Variants in ASPH observed in about 807,000 individuals in gnomAD.
ASPH encodes aspartate beta-hydroxylase.
A neutral mutation model predicts 118.4 loss-of-function variants in ASPH; 100 were observed. The observed-to-expected ratio is 0.84, with a 90% confidence interval of 0.72 to 1.00. ASPH has a LOEUF of 1.00. ASPH is among the 50% of genes least tolerant of loss of function. ASPH has a pLI of 0.00. For missense variants in ASPH, 920 were observed against 919.5 expected (o/e 1.00, Z -0.01); for synonymous variants, 315 against 325.6 (o/e 0.97, Z 0.35).
At chr8:61,529,825 C>G (rs937962036) in intron 21 of ASPH, among the ~76,000 whole-genome samples, 2 of 152,178 alleles carry the variant, frequency 1.3e-5, no homozygotes, top group Admixed American at 6.5e-5. Context: ...CTAGCTGCCT[C>G]GACAAATGGT....
At chr8:61,568,201 G>A (rs1803213627) in intron 16 of ASPH, among the ~76,000 whole-genome samples, 2 of 152,298 alleles carry the variant, frequency 1.3e-5, no homozygotes, top group South Asian at 4.2e-4. Flanking sequence ...CAGCCGTATG[G>A]AGAACAGACT....
chr8:61,682,374 T>C, intron 2 of ASPH: 5 of 1,481,838 alleles, frequency 3.4e-6, no homozygotes, highest in Non-Finnish European at 4.7e-6. Flanking sequence ...ATTAAATTAG[T>C]AGAAAAAGGA....
intron 21 of ASPH, among the ~76,000 whole-genome samples, chr8:61,542,601 T>G (rs1822345745): frequency 6.6e-6 from 1 of 152,208 alleles, no homozygotes; most frequent in Admixed American, 6.5e-5. Flanking sequence ...TATTGCTTTA[T>G]GCATTGGTTT....
chr8:61,625,264 C>T, intron 13 of ASPH: 1 of 985,792 alleles, frequency 1.0e-6, no homozygotes, highest in Non-Finnish European at 1.2e-6. Flanking sequence ...AAGAAAAAGG[C>T]TCATTGCCGT....
chr8:61,540,395 A>C (rs918952072), intron 21 of ASPH, among the ~76,000 whole-genome samples: 87 of 152,050 alleles, frequency 5.7e-4, no homozygotes, highest in African/African-American at 2.1e-3. Flanking sequence ...CATGTATGTA[A>C]CACCTCACCT....
Position 61,576,764 on chromosome 8 carries a change from CAG to C in ASPH, c.1149+6_1149+7del, listed in dbSNP as rs747048319. ...AAAAGTGTCCTAAGGAGAAGGGTCT[CAG>C]AATACCTGCGCCTTCCCATATCTTG... On this transcript the variant is annotated splice_donor_region_variant and intron_variant, in intron 16 of 24. Coordinates refer to ENST00000379454, the MANE Select transcript of ASPH (RefSeq NM_004318.4). The C allele has an allele frequency of 6.2e-7, 1 of 1,604,340 alleles. No homozygotes were observed. The highest frequency in any genetic ancestry group is 1.3e-5 in the African/African-American group (1 of 74,888).
At chr8:61,571,239 A>G (rs1480238722) in intron 16 of ASPH, among the ~76,000 whole-genome samples, 1 of 152,196 alleles carries the variant, frequency 6.6e-6, no homozygotes, top group Non-Finnish European at 1.5e-5. Flanking sequence ...AACACATTGA[A>G]GCATAATAGC....
chr8:61,583,667 T>A (rs1455603449), intron 15 of ASPH: 2 of 300,284 alleles, frequency 6.7e-6, no homozygotes, highest in Non-Finnish European at 1.2e-5. Context: ...AAGAGCCAAG[T>A]GGTTTCCCCA....
intron 13 of ASPH, chr8:61,624,715 C>T (rs949139398): frequency 1.9e-5 from 19 of 985,536 alleles, no homozygotes; most frequent in Non-Finnish European, 2.3e-5. Flanking sequence ...CCTCAACGTC[C>T]AGAGTTCTAC....
At chr8:61,565,071 T>G (rs1253151899) in intron 17 of ASPH, among the ~76,000 whole-genome samples, 1 of 152,228 alleles carries the variant, frequency 6.6e-6, no homozygotes, top group Non-Finnish European at 1.5e-5. Flanking sequence ...GGAACCTGGG[T>G]CAGTCCAGAG....
intron 14 of ASPH, among the ~76,000 whole-genome samples, chr8:61,589,012 G>C (rs1430957760): frequency 6.6e-6 from 1 of 152,186 alleles, no homozygotes; most frequent in African/African-American, 2.4e-5. Flanking sequence ...AGTCCAAAAG[G>C]CTACTGACTA....
intron 24 of ASPH, among the ~76,000 whole-genome samples, chr8:61,514,491 C>T (rs1170034119): frequency 6.6e-6 from 1 of 152,020 alleles, no homozygotes; most frequent in East Asian, 1.9e-4. Context: ...AGGCAGATCA[C>T]AAGGTCAGGA....
At chr8:61,548,492 G>A (rs889440290) in intron 20 of ASPH, among the ~76,000 whole-genome samples, 1 of 152,190 alleles carries the variant, frequency 6.6e-6, no homozygotes, top group Middle Eastern at 3.4e-3. Context: ...GGTCTCCCTC[G>A]AGTGTCCAGC....
chr8:61,663,761 A>G lies in ASPH; in HGVS notation c.323-10101T>C, dbSNP rs1818116245. 3 of 970,954 alleles carry G rather than the reference A, an allele frequency of 3.1e-6. No homozygotes were observed. The Admixed American group carries it at 1.8e-4, about 60-fold the overall frequency. 60.1% of individuals were successfully genotyped at this position (970,954 alleles called of 1,614,324 possible). ...CAGGATTATATTGGAGATATTAGAT[A>G]TTCTCTAGGATTTCTTCTCTGTTGT... On this transcript the variant is annotated intron_variant, in intron 3 of 24. Coordinates refer to ENST00000379454, the MANE Select transcript of ASPH (RefSeq NM_004318.4).
intron 1 of ASPH, chr8:61,689,539 T>A: frequency 1.2e-6 from 1 of 806,412 alleles, no homozygotes; most frequent in Non-Finnish European, 1.9e-6. Flanking sequence ...TCTCCAGGAG[T>A]TCAAAATAGA....
chr8:61,706,648 T>C (rs4377960), intron 1 of ASPH, among the ~76,000 whole-genome samples: 80,229 of 151,934 alleles, frequency 0.53, 21,531 homozygotes, highest in Middle Eastern at 0.59. Flanking sequence ...TGAACATATT[T>C]GATAAGCAGA....
intron 4 of ASPH, among the ~76,000 whole-genome samples, chr8:61,651,893 T>C (rs962127449): frequency 1.3e-5 from 2 of 152,214 alleles, no homozygotes; most frequent in Non-Finnish European, 2.9e-5. Flanking sequence ...ATAATCTATG[T>C]TCAGTGAATA....
At chr8:61,655,870 T>G (rs1813416783) in intron 3 of ASPH, among the ~76,000 whole-genome samples, 1 of 152,188 alleles carries the variant, frequency 6.6e-6, no homozygotes, top group African/African-American at 2.4e-5. Flanking sequence ...AATTGTAAAC[T>G]TCAAAGAAGC....
chr8:61,648,405 A>G (rs1334062594), intron 5 of ASPH, among the ~76,000 whole-genome samples: 1 of 152,100 alleles, frequency 6.6e-6, no homozygotes, highest in African/African-American at 2.4e-5. Context: ...TTTGTTTTCT[A>G]TCTTCTCCTC....
Sources: allele counts gnomAD v4.1 joint callset (sites outside exome capture counted in the v4.1 genomes callset), GRCh38; gene constraint gnomAD v4.1.1; transcripts MANE v1.5; gene names NCBI Gene and HGNC (gene_info 2026-07-23, HGNC 2026-07-21).